SORCS2: variants seen among roughly 807,000 people sequenced by gnomAD.
The protein encoded by SORCS2 is VPS10 domain-containing receptor SorCS2.
Under a neutral mutation model 141.6 loss-of-function variants are expected in SORCS2, and 100 were observed. The observed-to-expected ratio is 0.71, with a 90% CI of 0.60 to 0.83. SORCS2 has a LOEUF of 0.83. Ranked by LOEUF, SORCS2 falls within the 40% of genes least tolerant of loss-of-function variation. The pLI is 0.00. For missense variants in SORCS2, 1,646 were observed against 1,560.2 expected (o/e 1.05, Z -0.93); for synonymous variants, 789 against 676.9 (o/e 1.17, Z -2.57).
At chr4:7,260,209 C>A (rs751813678) in intron 1 of SORCS2, among the ~76,000 whole-genome samples, 1 of 152,220 alleles carries the variant, frequency 6.6e-6, no homozygotes, top group Non-Finnish European at 1.5e-5. Flanking sequence ...GGGTAGGAGG[C>A]AGCTGCTCTG....
intron 17 of SORCS2, among the ~76,000 whole-genome samples, chr4:7,717,198 G>C (rs180948763): frequency 1.6e-4 from 25 of 152,306 alleles, no homozygotes; most frequent in Non-Finnish European, 3.2e-4. Context: ...TCCAGGCTCA[G>C]ACCCACCCTA....
In SORCS2 at chr4:7,729,651, A is replaced by G; in HGVS notation, c.3047A>G (p.Asp1016Gly). ...VVKPGLPTLA[D>G]LYVLLPPPRP... ...AAGCCGGGGCTGCCCACTTTGGCCG[A>G]TCTGTACGTGCTCCTGCCCCCTCCC... is the stretch of plus-strand genomic sequence containing the variant. Residue 1016 changes from aspartate (D) to glycine (G), a missense_variant, in exon 23 of 27, where the codon GAT (aspartate) becomes GGT (glycine). Physicochemically the swap from Asp to Gly is moderately conservative, Grantham distance 94. Transcript: ENST00000507866. 1 of 1,604,802 alleles carries G rather than the reference A, an allele frequency of 6.2e-7. No individual in the cohort carries two copies. Among genetic ancestry groups the G allele is most frequent in the Non-Finnish European group, 8.5e-7 (1 of 1,175,946 alleles).
At chr4:7,540,451 C>T (rs569743616) in intron 3 of SORCS2, among the ~76,000 whole-genome samples, 19 of 152,272 alleles carry the variant, frequency 1.2e-4, no homozygotes, top group Non-Finnish European at 2.4e-4. Context: ...GCTGCTTTGC[C>T]ACCGCCTGTG....
At chr4:7,629,189 ACATAT>A (rs1719713884) in intron 3 of SORCS2, among the ~76,000 whole-genome samples, 2 of 152,228 alleles carry the variant, frequency 1.3e-5, no homozygotes, top group Admixed American at 6.5e-5. Flanking sequence ...ATATACACAT[ACATAT>A]ATCAAAATAG....
At chr4:7,268,753 G>A (rs1291646494) in intron 1 of SORCS2, among the ~76,000 whole-genome samples, 2 of 152,192 alleles carry the variant, frequency 1.3e-5, no homozygotes, top group South Asian at 4.1e-4. Context: ...GGGCTTCCAG[G>A]AGGAGGTGAT....
intron 2 of SORCS2, among the ~76,000 whole-genome samples, chr4:7,398,941 C>T (rs182133736): frequency 2.2e-4 from 34 of 152,316 alleles, no homozygotes; most frequent in African/African-American, 2.6e-4. Context: ...TTCCTCAAGA[C>T]GAATGTGCAT....
chr4:7,666,484 A>T (rs568770853), intron 7 of SORCS2, among the ~76,000 whole-genome samples: 1 of 152,106 alleles, frequency 6.6e-6, no homozygotes, highest in South Asian at 2.1e-4. Flanking sequence ...TCCTCAGAGG[A>T]TCTGGGAGCC....
intron 1 of SORCS2, among the ~76,000 whole-genome samples, chr4:7,251,096 T>C (rs1713481502): frequency 6.6e-6 from 1 of 152,242 alleles, no homozygotes. Context: ...ATTGGGATAA[T>C]AGCCTTTGAT....
chr4:7,373,006 G>GTT (rs56090778), intron 1 of SORCS2, among the ~76,000 whole-genome samples: 21,825 of 138,030 alleles, frequency 0.16, 1,914 homozygotes, highest in African/African-American at 0.21. Flanking sequence ...GGTGGTTTCT[G>GTT]TTTTTTTTTT....
chr4:7,385,551 G>A (rs1405177560), intron 1 of SORCS2, among the ~76,000 whole-genome samples: 1 of 152,184 alleles, frequency 6.6e-6, no homozygotes, highest in Non-Finnish European at 1.5e-5. Context: ...ATCACAGCTG[G>A]GGCTTGAAGA....
At chr4:7,468,045 G>A (rs919997828) in intron 2 of SORCS2, among the ~76,000 whole-genome samples, 4 of 152,156 alleles carry the variant, frequency 2.6e-5, no homozygotes, top group African/African-American at 7.2e-5. Flanking sequence ...GGATGGCAGC[G>A]GGTTCTCCCT....
chr4:7,384,591 A>G (rs192025720), intron 1 of SORCS2, among the ~76,000 whole-genome samples: 1 of 152,304 alleles, frequency 6.6e-6, no homozygotes, highest in African/African-American at 2.4e-5. Context: ...ACCCGTGTCC[A>G]CACCACAGGG....
chr4:7,469,178 T>C (rs896024970), intron 2 of SORCS2, among the ~76,000 whole-genome samples: 2 of 151,790 alleles, frequency 1.3e-5, no homozygotes, highest in Admixed American at 6.6e-5. Flanking sequence ...CTGGTGATGG[T>C]GGTGATGTCG....
At chr4:7,348,762 A>G (rs1187318766) in intron 1 of SORCS2, among the ~76,000 whole-genome samples, 1 of 152,180 alleles carries the variant, frequency 6.6e-6, no homozygotes, top group Non-Finnish European at 1.5e-5. Context: ...CATGTTGGCC[A>G]GGCTGGTCTT....
chr4:7,340,808 G>A (rs1720327274), intron 1 of SORCS2, among the ~76,000 whole-genome samples: 1 of 152,202 alleles, frequency 6.6e-6, no homozygotes, highest in African/African-American at 2.4e-5. Context: ...CCTGCGCTTG[G>A]GACCCATTGA....
At position 7,193,238 on chromosome 4, in the gene SORCS2, G is replaced by A; in HGVS notation, c.480+112G>A. 1.1e-5 allele frequency: 14 copies of A among 1,269,716 alleles called. No individual in the cohort carries two copies. The highest frequency in any genetic ancestry group is 1.4e-5 in the Non-Finnish European group (14 of 1,003,490). The allele number at this position is 1,269,716 out of a possible 1,614,324, so 78.7% of individuals were successfully genotyped here. On this transcript the variant is annotated intron_variant, in intron 1 of 26. Coordinates refer to ENST00000507866, the MANE Select transcript of SORCS2 (RefSeq NM_020777.3). This position sits in a 1 kb window ranked among gnomAD's most constrained non-coding sequence, Gnocchi z 4.8. Reference sequence around the variant, plus strand: ...TCCCCACTATGGTCATCAGGGGCGGGTTCTTGGCGACTTGGGCACTTGGGT... The same window carrying A: ...TCCCCACTATGGTCATCAGGGGCGGATTCTTGGCGACTTGGGCACTTGGGT...
At chr4:7,627,670 G>A (rs559440150) in intron 3 of SORCS2, among the ~76,000 whole-genome samples, 1 of 152,200 alleles carries the variant, frequency 6.6e-6, no homozygotes, top group African/African-American at 2.4e-5. Context: ...AAAATTCCTG[G>A]GTCTTGGCAG....
At chr4:7,227,976 G>C (rs555540309) in intron 1 of SORCS2, among the ~76,000 whole-genome samples, 28 of 152,312 alleles carry the variant, frequency 1.8e-4, no homozygotes, top group Admixed American at 1.2e-3. Context: ...GGGAGCTGAG[G>C]ATGACTGAAC....
At chr4:7,623,388 C>T (rs767533514) in intron 3 of SORCS2, among the ~76,000 whole-genome samples, 5 of 152,048 alleles carry the variant, frequency 3.3e-5, no homozygotes, top group African/African-American at 9.7e-5. Flanking sequence ...CTTGAGCTCT[C>T]GGTGGCTGGC....
Sources: gnomAD v4.1 joint callset for allele counts (sites outside exome capture counted in the v4.1 genomes callset) on GRCh38, gnomAD v4.1.1 for gene constraint, Gnocchi (gnomAD v3.1) non-coding constraint, MANE v1.5 for transcripts, NCBI Gene and HGNC (gene_info 2026-07-23, HGNC 2026-07-21) for gene names.